The following ZNF892 variants were observed in gnomAD, a reference collection of about 807,000 sequenced individuals.
The protein encoded by ZNF892 is zinc finger protein 892, also known as zinc finger protein 570-like.
At chr2:95,253,762 T>A in the ZNF892 span, among the ~76,000 whole-genome samples, 91 of 152,272 alleles carry the variant, frequency 6.0e-4, no homozygotes, top group African/African-American at 1.7e-3. Flanking sequence ...TATTTCATTG[T>A]GCAGTGGTTT....
chr2:95,260,249 T>C, the ZNF892 span, among the ~76,000 whole-genome samples: 1 of 152,146 alleles, frequency 6.6e-6, no homozygotes, highest in South Asian at 2.1e-4. Context: ...GCTCATCTAG[T>C]TCCTCCTGGG....
the ZNF892 span, among the ~76,000 whole-genome samples, chr2:95,238,452 C>T: frequency 3.3e-4 from 51 of 152,304 alleles, no homozygotes; most frequent in Middle Eastern, 0.017. Context: ...GACAGTGCAC[C>T]TAAACACCTC....
the ZNF892 span, among the ~76,000 whole-genome samples, chr2:95,263,328 A>G: frequency 2.0e-5 from 3 of 152,098 alleles, no homozygotes; most frequent in Non-Finnish European, 4.4e-5. Flanking sequence ...ATCAACCCAC[A>G]CCTTGATTTT....
At chr2:95,243,030 T>C in the ZNF892 span, among the ~76,000 whole-genome samples, 1 of 152,168 alleles carries the variant, frequency 6.6e-6, no homozygotes, top group African/African-American at 2.4e-5. Context: ...TCGTATTTTT[T>C]TGGTGGAGAC....
chr2:95,259,939 C>T, the ZNF892 span, among the ~76,000 whole-genome samples: 1 of 152,202 alleles, frequency 6.6e-6, no homozygotes, highest in African/African-American at 2.4e-5. Context: ...CACAGGAGTG[C>T]TCCTGGGGAG....
the ZNF892 span, chr2:95,214,205 A>C: frequency 7.6e-6 from 3 of 395,774 alleles, no homozygotes; most frequent in African/African-American, 6.2e-5. Flanking sequence ...GAGAGCTTTC[A>C]AGTTCATGTG....
At chr2:95,257,119 G>T in the ZNF892 span, among the ~76,000 whole-genome samples, 1 of 152,216 alleles carries the variant, frequency 6.6e-6, no homozygotes, top group African/African-American at 2.4e-5. Flanking sequence ...CTGGTGAGGG[G>T]CTGCATTCCT....
chr2:95,247,700 C>CA, the ZNF892 span, among the ~76,000 whole-genome samples: 1 of 151,932 alleles, frequency 6.6e-6, no homozygotes, highest in Non-Finnish European at 1.5e-5. Flanking sequence ...AGACACTTCT[C>CA]AAAAAAAGAC....
chr2:95,234,530 C>A, the ZNF892 span, among the ~76,000 whole-genome samples: 5 of 152,222 alleles, frequency 3.3e-5, no homozygotes, highest in Admixed American at 6.5e-5. Flanking sequence ...TGATCATGCT[C>A]TTCTTGTCCA....
chr2:95,244,489 A>G, the ZNF892 span, among the ~76,000 whole-genome samples: 1 of 152,224 alleles, frequency 6.6e-6, no homozygotes, highest in African/African-American at 2.4e-5. Flanking sequence ...ATTAAACCAA[A>G]AGAGCTATTA....
the ZNF892 span, among the ~76,000 whole-genome samples, chr2:95,214,127 G>T: frequency 6.6e-6 from 1 of 152,064 alleles, no homozygotes; most frequent in Non-Finnish European, 1.5e-5. Flanking sequence ...CTCCTTTTAT[G>T]CCGTCGTACT....
At chr2:95,257,495 C>T in the ZNF892 span, among the ~76,000 whole-genome samples, 4 of 152,120 alleles carry the variant, frequency 2.6e-5, no homozygotes, top group Admixed American at 2.6e-4. Context: ...GGGGTGACTC[C>T]CAGTTAGGCT....
At chr2:95,240,005 A>G in the ZNF892 span, among the ~76,000 whole-genome samples, 1 of 152,246 alleles carries the variant, frequency 6.6e-6, no homozygotes, top group Non-Finnish European at 1.5e-5. Context: ...TGCAATATTT[A>G]ACATATCAAA....
the ZNF892 span, chr2:95,211,834 C>A: frequency 2.5e-6 from 1 of 397,286 alleles, no homozygotes; most frequent in Non-Finnish European, 4.4e-6. Context: ...CTAGTAGGGC[C>A]TGAGACAGGC....
chr2:95,233,698 A>AAT, the ZNF892 span, among the ~76,000 whole-genome samples: 2 of 150,520 alleles, frequency 1.3e-5, no homozygotes, highest in African/African-American at 4.9e-5. Context: ...AAAAAAAAAA[A>AAT]AATCTCGCTA....
At chr2:95,249,385 C>A in the ZNF892 span, among the ~76,000 whole-genome samples, 1 of 148,290 alleles carries the variant, frequency 6.7e-6, no homozygotes, top group East Asian at 2.0e-4. Flanking sequence ...GGATTACAGG[C>A]GCCCGCCACC....
At chr2:95,218,231 A>C in the ZNF892 span, among the ~76,000 whole-genome samples, 1 of 152,202 alleles carries the variant, frequency 6.6e-6, no homozygotes, top group Admixed American at 6.5e-5. Flanking sequence ...TAGAATTTTC[A>C]AATCTCTTTA....
At chr2:95,263,432 A>T in the ZNF892 span, among the ~76,000 whole-genome samples, 1 of 152,228 alleles carries the variant, frequency 6.6e-6, no homozygotes, top group Non-Finnish European at 1.5e-5. Flanking sequence ...GCTTGAAGCC[A>T]CTAAGCTTGT....
At chr2:95,214,102 G>GT in the ZNF892 span, among the ~76,000 whole-genome samples, 4 of 152,174 alleles carry the variant, frequency 2.6e-5, no homozygotes, top group Admixed American at 1.3e-4. Flanking sequence ...GGAATGTTGA[G>GT]TACCTGCACA....
Sources: gnomAD v4.1 joint callset for allele counts (sites outside exome capture counted in the v4.1 genomes callset) on GRCh38, gnomAD v4.1.1 for gene constraint, MANE v1.5 for transcripts, NCBI Gene and HGNC (gene_info 2026-07-23, HGNC 2026-07-21) for gene names.